The following GPC5 variants were observed in gnomAD, a reference collection of about 807,000 sequenced individuals.
GPC5 encodes the protein glypican-5.
A neutral mutation model predicts 53.9 loss-of-function variants in GPC5; 47 were observed. The ratio of observed to expected loss-of-function variants is 0.87; its 90% CI spans 0.69 to 1.11. The LOEUF (loss-of-function observed/expected upper bound fraction) is 1.11. Ranked by LOEUF, GPC5 falls within the 50% of genes most tolerant of loss-of-function variation. The pLI is 0.00. For missense variants in GPC5, 748 were observed against 713.1 expected, an observed-to-expected ratio of 1.05 and a Z score of -0.56; for synonymous variants, 286 against 263.3, an observed-to-expected ratio of 1.09 and a Z score of -0.84.
intron 7 of GPC5, among the ~76,000 whole-genome samples, chr13:92,862,530 G>GAT (rs1051954236): frequency 4.1e-4 from 63 of 151,818 alleles, no homozygotes; most frequent in Middle Eastern, 3.4e-3. Flanking sequence ...ACCTGGTGGA[G>GAT]ATATATATAT....
chr13:92,569,301 A>G (rs1882953915), intron 7 of GPC5, among the ~76,000 whole-genome samples: 1 of 151,854 alleles, frequency 6.6e-6, no homozygotes, highest in Non-Finnish European at 1.5e-5. Flanking sequence ...TGTAGGTACT[A>G]TTGTTAACTC....
chr13:92,849,987 G>T (rs1347095088), intron 7 of GPC5, among the ~76,000 whole-genome samples: 3 of 152,196 alleles, frequency 2.0e-5, no homozygotes, highest in Non-Finnish European at 4.4e-5. Flanking sequence ...GACATAGCCA[G>T]AGAGTCATGA....
chr13:92,335,078 G>T (rs992070652), intron 7 of GPC5, among the ~76,000 whole-genome samples: 1 of 152,026 alleles, frequency 6.6e-6, no homozygotes, highest in Non-Finnish European at 1.5e-5. Context: ...GGGTTGGGGG[G>T]GACTCCAACC....
chr13:91,410,552 T>C (rs533880616), intron 1 of GPC5, among the ~76,000 whole-genome samples: 57 of 151,750 alleles, frequency 3.8e-4, no homozygotes, highest in East Asian at 2.4e-3. Flanking sequence ...TTCACTGTGT[T>C]AGCCAGGATG....
At chr13:91,658,100 A>G (rs2034891446) in intron 2 of GPC5, among the ~76,000 whole-genome samples, 1 of 152,126 alleles carries the variant, frequency 6.6e-6, no homozygotes, top group African/African-American at 2.4e-5. Flanking sequence ...ATTAAAATAT[A>G]TACATATTTA....
intron 6 of GPC5, among the ~76,000 whole-genome samples, chr13:92,125,949 T>G (rs1267869348): frequency 5.7e-4 from 61 of 106,588 alleles, no homozygotes; most frequent in African/African-American, 2.2e-3. Context: ...TTTTTTTTTT[T>G]TTTTTTTTTT....
At chr13:92,758,166 G>C (rs1457857807) in intron 7 of GPC5, among the ~76,000 whole-genome samples, 1 of 149,570 alleles carries the variant, frequency 6.7e-6, no homozygotes, top group African/African-American at 2.5e-5. Context: ...AAAATGATGA[G>C]TTCATGTCCT....
intron 7 of GPC5, among the ~76,000 whole-genome samples, chr13:92,231,652 A>G (rs2042530832): frequency 6.7e-6 from 1 of 149,248 alleles, no homozygotes; most frequent in Non-Finnish European, 1.5e-5. Context: ...AGAAAAAACA[A>G]AAACCAGAAT....
At chr13:91,531,499 A>C (rs1886343780) in intron 2 of GPC5, among the ~76,000 whole-genome samples, 1 of 152,308 alleles carries the variant, frequency 6.6e-6, no homozygotes, top group African/African-American at 2.4e-5. Flanking sequence ...TTTTAGTATA[A>C]ATTTTGAAAG....
rs1211286299 is a variant in GPC5, at chr13:92,059,532, T to C, written c.1402-85298T>C. Among the ~76,000 whole-genome samples, 6 of 150,686 alleles carry C rather than the reference T, an allele frequency of 4.0e-5. No individual in the cohort carries two copies. The Admixed American group carries it at 4.0e-4, about 10-fold the overall frequency. On this transcript the variant is annotated intron_variant, in intron 6 of 7. Transcript: ENST00000377067. ...TATATAAAATAGAATATACTAGATA[T>C]GCTTTTGTGTATAATCTTTTAAATT... is the stretch of plus-strand genomic sequence containing the variant.
chr13:92,024,645 C>T (rs910422771), intron 6 of GPC5, among the ~76,000 whole-genome samples: 4 of 152,076 alleles, frequency 2.6e-5, no homozygotes, highest in African/African-American at 9.7e-5. Flanking sequence ...AAATGTTCCT[C>T]TTATTCTTAC....
At chr13:91,687,325 A>C (rs1250324890) in intron 2 of GPC5, among the ~76,000 whole-genome samples, 3 of 151,960 alleles carry the variant, frequency 2.0e-5, no homozygotes, top group Admixed American at 6.6e-5. Context: ...ATTTAAAGTT[A>C]AATCCTTTAT....
intron 7 of GPC5, among the ~76,000 whole-genome samples, chr13:92,420,361 A>C (rs372573750): frequency 6.6e-6 from 1 of 151,970 alleles, no homozygotes; most frequent in African/African-American, 2.4e-5. Flanking sequence ...TTTTAATTTT[A>C]ATTTTTGTGG....
chr13:92,777,140 G>T (rs1370300057), intron 7 of GPC5, among the ~76,000 whole-genome samples: 1 of 149,850 alleles, frequency 6.7e-6, no homozygotes, highest in East Asian at 2.0e-4. Flanking sequence ...GATCAGACCA[G>T]CCTGGCCAAT....
intron 7 of GPC5, among the ~76,000 whole-genome samples, chr13:92,669,511 G>A (rs956607712): frequency 1.1e-4 from 17 of 152,038 alleles, no homozygotes; most frequent in Admixed American, 2.0e-4. Context: ...GTATATCGTC[G>A]GCTTGGCCAA....
chr13:91,409,023 C>A (rs1877530145), intron 1 of GPC5, among the ~76,000 whole-genome samples: 1 of 152,048 alleles, frequency 6.6e-6, no homozygotes, highest in Non-Finnish European at 1.5e-5. Context: ...TTCTGGATGT[C>A]CTTGTTCATT....
intron 7 of GPC5, among the ~76,000 whole-genome samples, chr13:92,509,204 G>T (rs531984221): frequency 6.6e-6 from 1 of 152,236 alleles, no homozygotes; most frequent in South Asian, 2.1e-4. Context: ...ACATCAATCC[G>T]CTAATCATTT....
rs60184723 is a variant in GPC5 at position 92,384,126 on chromosome 13, G to GTTT, written c.1561+239146_1561+239148dup. On this transcript the variant is annotated intron_variant, in intron 7 of 7. Transcript: ENST00000377067. ...ATAGATACACACATTGTTTTTATAG[G>GTTT]TTTTTTTTTTTCACTCCAGGTTATT... 6.8e-3 allele frequency among the ~76,000 whole-genome samples: 1,019 copies of GTTT among 149,068 alleles called. 22 individuals are homozygous for GTTT. The East Asian group carries it at 0.074, about 11-fold the overall frequency.
chr13:91,805,049 C>A (rs1188111826), intron 5 of GPC5, among the ~76,000 whole-genome samples: 1 of 152,220 alleles, frequency 6.6e-6, no homozygotes, highest in Non-Finnish European at 1.5e-5. Context: ...CATGGCAGAA[C>A]ATAACCTTCA....
Sources: allele counts gnomAD v4.1 joint callset (sites outside exome capture counted in the v4.1 genomes callset), GRCh38; gene constraint gnomAD v4.1.1; transcripts MANE v1.5; gene names NCBI Gene and HGNC (gene_info 2026-07-23, HGNC 2026-07-21).